FRA10AC1: variants seen among roughly 807,000 people sequenced by gnomAD.
FRA10AC1 encodes the protein protein FRA10AC1.
In FRA10AC1, 43 loss-of-function variants were observed where a neutral mutation model predicts 56.5. The ratio of observed to expected loss-of-function variants is 0.76; its 90% CI spans 0.60 to 0.98. FRA10AC1 has a LOEUF of 0.98. FRA10AC1 is among the 50% of genes least tolerant of loss of function. FRA10AC1 has a pLI of 0.00. For synonymous variants in FRA10AC1, 112 were observed against 110.5 expected, an observed-to-expected ratio of 1.01 and a Z score of -0.09; for missense variants, 346 against 351.8, an observed-to-expected ratio of 0.98 and a Z score of 0.13.
At position 93,702,374 on chromosome 10, in the gene FRA10AC1, C is replaced by A. The variant is rs2059349270; in HGVS notation, c.-1+1G>T. 1 of 161,166 alleles carries A rather than the reference C, an allele frequency of 6.2e-6. No homozygotes were observed. Among genetic ancestry groups the A allele is most frequent in the Non-Finnish European group, 1.4e-5 (1 of 74,058 alleles). 10.0% of individuals were successfully genotyped at this position (161,166 alleles called of 1,614,324 possible). A position where few individuals can be genotyped will look rare whatever the true frequency, so the allele number is the denominator to read the frequency against. The stretch of plus-strand genomic sequence containing the variant: ...ATATACCCACAGCCCTCCTCACACA[C>A]CCTTTCCCTTCCTCCCTGTGTGCCA... On this transcript the variant is annotated splice_donor_variant, in intron 1 of 13. Coordinates refer to ENST00000359204, the MANE Select transcript of FRA10AC1 (RefSeq NM_145246.5). LOFTEE classifies it low-confidence loss of function (5UTR_SPLICE).
chr10:93,694,706 T>C (rs2059198775), intron 5 of FRA10AC1, among the ~76,000 whole-genome samples, 155 bp downstream of exon 5: 6 of 92,008 alleles, frequency 6.5e-5, no homozygotes, highest in African/African-American at 8.7e-5. Context: ...AGAGTGAGAC[T>C]CCATCTTAAA....
intron 8 of FRA10AC1, 43 bp from the exon 9 acceptor site, chr10:93,685,402 A>G (rs747550044): frequency 1.2e-6 from 1 of 856,796 alleles, no homozygotes; most frequent in Non-Finnish European, 2.0e-6. Context: ...GTTGGTGATA[A>G]TATTTATCTA....
intron 4 of FRA10AC1, among the ~76,000 whole-genome samples, chr10:93,696,738 A>C (rs778024150): frequency 1.1e-4 from 16 of 152,224 alleles, no homozygotes; most frequent in Non-Finnish European, 2.2e-4. Flanking sequence ...GATAAAGAAA[A>C]TGTGGTACAT....
At chr10:93,677,421 GA>G (rs1434856755) in intron 11 of FRA10AC1, among the ~76,000 whole-genome samples, 5 of 152,054 alleles carry the variant, frequency 3.3e-5, no homozygotes, top group Non-Finnish European at 2.9e-5. Flanking sequence ...AAGAGTATAA[GA>G]ACTACAGGGT....
chr10:93,702,567 A>C lies in FRA10AC1; in HGVS notation c.-193T>G, dbSNP rs2059363097. On this transcript the variant is annotated 5_prime_UTR_variant, in exon 1 of 14. Transcript: ENST00000359204. ...CGCCGCCCGCAACCCGCCTCTCCCTACGGGTCCCGACTGGGCACCACTTCC... is the reference window on the plus strand; with the variant it reads ...CGCCGCCCGCAACCCGCCTCTCCCTCCGGGTCCCGACTGGGCACCACTTCC... 2 of 216,012 alleles carry C rather than the reference A, an allele frequency of 9.3e-6. No individual in the cohort carries two copies. Among genetic ancestry groups the C allele is most frequent in the Non-Finnish European group, 1.8e-5 (2 of 111,028 alleles). The allele number at this position is 216,012 out of a possible 1,614,324, so 13.4% of individuals were successfully genotyped here. A position where few individuals can be genotyped will look rare whatever the true frequency, so the allele number is the denominator to read the frequency against.
chr10:93,689,140 T>C (rs2059081429), intron 7 of FRA10AC1, among the ~76,000 whole-genome samples: 2 of 151,746 alleles, frequency 1.3e-5, no homozygotes, highest in Non-Finnish European at 2.9e-5. Flanking sequence ...TTTTATTTTT[T>C]ATAGAGACAA....
At chr10:93,690,310 C>T (rs140153221) in intron 7 of FRA10AC1, among the ~76,000 whole-genome samples, 311 of 152,246 alleles carry the variant, frequency 2.0e-3, no homozygotes, top group African/African-American at 7.0e-3. Flanking sequence ...CGAGTCATAT[C>T]GGATTTCTTG....
intron 7 of FRA10AC1, among the ~76,000 whole-genome samples, chr10:93,689,174 G>A (rs2133923826): frequency 6.6e-6 from 1 of 150,856 alleles, no homozygotes; most frequent in Admixed American, 6.6e-5. Context: ...TGCCTAGGCT[G>A]GTTTTGAACT....
intron 1 of FRA10AC1, among the ~76,000 whole-genome samples, chr10:93,702,009 CA>C (rs995821648): frequency 7.0e-4 from 106 of 152,094 alleles, no homozygotes; most frequent in African/African-American, 2.4e-3. Context: ...GTGTCTTGTA[CA>C]GTGAAACCCA....
At chr10:93,700,962 T>C (rs2059322143) in intron 1 of FRA10AC1, among the ~76,000 whole-genome samples, 1 of 152,106 alleles carries the variant, frequency 6.6e-6, no homozygotes, top group African/African-American at 2.4e-5. Flanking sequence ...TCCAAGTAGC[T>C]GAGACTACAG....
At chr10:93,701,055 C>CA (rs960644097) in intron 1 of FRA10AC1, among the ~76,000 whole-genome samples, 3 of 152,150 alleles carry the variant, frequency 2.0e-5, no homozygotes, top group Non-Finnish European at 4.4e-5. Flanking sequence ...ACGCCGGTCT[C>CA]AAACTCCTGG....
At chr10:93,679,331 G>A (rs2058894230) in intron 11 of FRA10AC1, among the ~76,000 whole-genome samples, 1 of 152,172 alleles carries the variant, frequency 6.6e-6, no homozygotes, top group Non-Finnish European at 1.5e-5. Flanking sequence ...CAGAATCTCT[G>A]CCTCTTTGGC....
Position 93,698,394 on chromosome 10 carries a change from G to C in FRA10AC1, c.80C>G (p.Thr27Arg). 1 of 1,550,950 alleles carries C rather than the reference G, an allele frequency of 6.4e-7. No individual in the cohort carries two copies. Among genetic ancestry groups the C allele is most frequent in the Non-Finnish European group, 8.9e-7 (1 of 1,128,170 alleles). ...TTGGAGCAGTAAGTCATCTTCAACT[G>C]TCCTGATATATTAAGAAGAAAATAA... ...CGESSKRKKRTVEDDLLLQKP... is the reference protein window; with the variant it reads ...CGESSKRKKRRVEDDLLLQKP... Residue 27 changes from threonine to arginine, a missense_variant and splice_region_variant, in exon 3 of 14, where the codon ACA becomes AGA. Coordinates refer to ENST00000359204, the MANE Select transcript of FRA10AC1 (RefSeq NM_145246.5).
Position 93,669,810 on chromosome 10 carries a change from G to C in FRA10AC1, c.*16C>G, listed in dbSNP as rs1564809472. On this transcript the variant is annotated 3_prime_UTR_variant, in exon 14 of 14. Coordinates refer to ENST00000359204, the MANE Select transcript of FRA10AC1 (RefSeq NM_145246.5). Reference sequence around the variant, plus strand: ...TGAAGTTTCACATTAAGGAGCGGAGGCTTCTCTCTCTCGTCTCATAGAAAC... The same window carrying C: ...TGAAGTTTCACATTAAGGAGCGGAGCCTTCTCTCTCTCGTCTCATAGAAAC... 6.5e-7 allele frequency: 1 copy of C among 1,533,236 alleles called. No homozygotes were observed. Among genetic ancestry groups the C allele is most frequent in the Non-Finnish European group, 8.9e-7 (1 of 1,122,476 alleles). The allele number at this position is 1,533,236 out of a possible 1,614,324, so 95.0% of individuals were successfully genotyped here. A position where few individuals can be genotyped will look rare whatever the true frequency, so the allele number is the denominator to read the frequency against.
In FRA10AC1 at chr10:93,700,054, CCA is replaced by C. The variant is rs764976937; in HGVS notation, c.51_52del (p.Cys17TrpfsTer12). The C allele has an allele frequency of 1.7e-5, 27 of 1,598,602 alleles. No individual in the cohort carries two copies. The highest frequency in any genetic ancestry group is 1.7e-4 in the Middle Eastern group (1 of 6,058). ...CCTTTTTTTCCTTTTGCTGGATTCT[CCA>C]CAGCGTTCATCATCACTAAAATCAG... On this transcript the variant is annotated frameshift_variant, in exon 2 of 14. Coordinates refer to ENST00000359204, the MANE Select transcript of FRA10AC1 (RefSeq NM_145246.5). LOFTEE classifies it high-confidence loss of function.
chr10:93,685,212 A>G, intron 9 of FRA10AC1, 34 bp downstream of exon 9: 1 of 894,448 alleles, frequency 1.1e-6, no homozygotes, highest in Non-Finnish European at 1.8e-6. Context: ...CAAACTTGGA[A>G]GAATCAATCA....
intron 7 of FRA10AC1, among the ~76,000 whole-genome samples, chr10:93,688,813 T>C (rs2059074787): frequency 6.6e-6 from 1 of 151,064 alleles, no homozygotes; most frequent in Admixed American, 6.6e-5. Flanking sequence ...AAACAAAAAC[T>C]ACAACAACAA....
chr10:93,690,433 T>C (rs2059106532), intron 7 of FRA10AC1, among the ~76,000 whole-genome samples: 1 of 152,136 alleles, frequency 6.6e-6, no homozygotes, highest in African/African-American at 2.4e-5. Flanking sequence ...TTTTGAAAAA[T>C]TGAGAACTCA....
intron 12 of FRA10AC1, chr10:93,672,778 T>G (rs1325383638): frequency 6.6e-6 from 1 of 152,574 alleles, no homozygotes; most frequent in African/African-American, 2.4e-5. Context: ...AAGACTGGAC[T>G]AAATGACCTT....
Sources: gnomAD v4.1 joint callset for allele counts (sites outside exome capture counted in the v4.1 genomes callset) on GRCh38, gnomAD v4.1.1 for gene constraint, MANE v1.5 for transcripts, NCBI Gene and HGNC (gene_info 2026-07-23, HGNC 2026-07-21) for gene names.